DCC: variants seen among roughly 807,000 people sequenced by gnomAD.
DCC encodes DCC netrin 1 receptor, also known as netrin receptor DCC.
Under a neutral mutation model 172.5 loss-of-function variants are expected in DCC, and 58 were observed. That is an observed-to-expected ratio of 0.34 (90% CI 0.27 to 0.42). DCC has a LOEUF of 0.42. Among genes scored for constraint, DCC ranks in the 10% least tolerant of loss-of-function variants. DCC has a pLI of 1.00. For missense variants in DCC, 1,740 were observed against 1,791.0 expected (o/e 0.97, Z 0.51); for synonymous variants, 709 against 644.5 (o/e 1.10, Z -1.52).
chr18:53,179,253 C>A, intron 9 of DCC, 137 bp downstream of exon 9: 3 of 846,260 alleles, frequency 3.5e-6, no homozygotes, highest in South Asian at 3.0e-5. Flanking sequence ...ACTTATATAA[C>A]TCGAGGACTT....
chr18:52,974,191 T>C (rs2041075128), intron 5 of DCC, among the ~76,000 whole-genome samples: 1 of 152,146 alleles, frequency 6.6e-6, no homozygotes, highest in Admixed American at 6.6e-5. Context: ...CAGATACAAA[T>C]TTTCCTGCAG....
At chr18:53,205,486 A>G (rs939532765) in intron 10 of DCC, 122 bp downstream of exon 10, 40 of 924,248 alleles carry the variant, frequency 4.3e-5, no homozygotes, top group Middle Eastern at 2.3e-4. Flanking sequence ...GTGTTAACAC[A>G]TTCATTGAAA....
At chr18:52,382,471 A>G (rs1050264585) in intron 1 of DCC, among the ~76,000 whole-genome samples, 2 of 152,186 alleles carry the variant, frequency 1.3e-5, no homozygotes, top group East Asian at 3.9e-4. Flanking sequence ...TCCATTTTAT[A>G]GAGAACATTT....
At chr18:52,825,584 T>C (rs2038495962) in intron 2 of DCC, among the ~76,000 whole-genome samples, 1 of 152,168 alleles carries the variant, frequency 6.6e-6, no homozygotes, top group African/African-American at 2.4e-5. Flanking sequence ...ATGCAAAAAG[T>C]ACAACACTCC....
chr18:52,697,677 C>T (rs952633156), intron 1 of DCC, among the ~76,000 whole-genome samples: 1 of 151,730 alleles, frequency 6.6e-6, no homozygotes. Flanking sequence ...ATTTTTAATT[C>T]GTTTGCAAAT....
At chr18:52,907,153 ACATATATCATATATAT>A (rs1365439391) in intron 3 of DCC, among the ~76,000 whole-genome samples, 4 of 150,566 alleles carry the variant, frequency 2.7e-5, no homozygotes, top group African/African-American at 9.7e-5. Flanking sequence ...AATATATCAT[ACATATATCATATATAT>A]CATATATACA....
chr18:53,273,218 C>T (rs1229781317), intron 12 of DCC, among the ~76,000 whole-genome samples: 1 of 152,016 alleles, frequency 6.6e-6, no homozygotes, highest in Admixed American at 6.6e-5. Flanking sequence ...GAAGTATGTG[C>T]TCTTATGAAT....
chr18:52,468,754 A>G lies in DCC; in HGVS notation c.91+127876A>G, dbSNP rs892552059. On this transcript the variant is annotated intron_variant, in intron 1 of 28. Coordinates refer to ENST00000442544, the MANE Select transcript of DCC (RefSeq NM_005215.4). ...TCCTTCCAGATTGTCTGATTTTCAC[A>G]TGATTGCTGTCTACACATCTATTTC... Among the ~76,000 whole-genome samples, 17 of 152,294 alleles carry G rather than the reference A, an allele frequency of 1.1e-4. No individual in the cohort carries two copies. The East Asian group carries it at 2.9e-3, about 26-fold the overall frequency.
rs1358799936 is a variant in DCC, at chr18:52,877,936, G to C, written c.413-28108G>C. 2.0e-5 allele frequency among the ~76,000 whole-genome samples: 3 copies of C among 152,134 alleles called. No individual in the cohort carries two copies. The East Asian group carries it at 5.8e-4, about 29-fold the overall frequency. ...AGCTATATTAATGATAATGTAAAGA[G>C]TATACTGTTTCCTGAGTATTTTGTT... is the stretch of plus-strand genomic sequence containing the variant. On this transcript the variant is annotated intron_variant, in intron 2 of 28. Transcript: ENST00000442544.
At chr18:52,340,910 C>A in intron 1 of DCC, 32 bp downstream of exon 1, 1 of 1,497,932 alleles carries the variant, frequency 6.7e-7, no homozygotes, top group Non-Finnish European at 9.3e-7. Context: ...TCTCGTCGCA[C>A]CCCCTTCCGT....
chr18:53,069,201 C>A (rs146027380), intron 7 of DCC, among the ~76,000 whole-genome samples: 29 of 152,220 alleles, frequency 1.9e-4, no homozygotes, highest in Middle Eastern at 3.4e-3. Flanking sequence ...ATCTTAGAGG[C>A]CTTCCCAGAA....
chr18:53,076,035 A>C (rs1414080025), intron 7 of DCC, among the ~76,000 whole-genome samples: 2 of 152,172 alleles, frequency 1.3e-5, no homozygotes, highest in Non-Finnish European at 2.9e-5. Flanking sequence ...GAGTATCAAC[A>C]GATACTCCAG....
intron 1 of DCC, among the ~76,000 whole-genome samples, chr18:52,538,183 T>C (rs1025085511): frequency 1.3e-5 from 2 of 152,204 alleles, no homozygotes; most frequent in Admixed American, 1.3e-4. Flanking sequence ...TAGTCTTGCC[T>C]GCTTACCTCC....
chr18:52,490,842 G>T (rs767505630), intron 1 of DCC, among the ~76,000 whole-genome samples: 5 of 152,082 alleles, frequency 3.3e-5, no homozygotes, highest in Non-Finnish European at 7.4e-5. Flanking sequence ...CAATGCTAAA[G>T]CTTACCTATG....
At chr18:52,625,787 G>A (rs1280251078) in intron 1 of DCC, among the ~76,000 whole-genome samples, 1 of 151,976 alleles carries the variant, frequency 6.6e-6, no homozygotes, top group African/African-American at 2.4e-5. Context: ...TCACTTCATC[G>A]CCAATGACTT....
intron 1 of DCC, among the ~76,000 whole-genome samples, chr18:52,413,641 T>G (rs1220024238): frequency 6.6e-6 from 1 of 152,130 alleles, no homozygotes; most frequent in Non-Finnish European, 1.5e-5. Context: ...ATTTTTATTA[T>G]GTATTCTAAG....
At chr18:52,599,972 T>C (rs2144814667) in intron 1 of DCC, among the ~76,000 whole-genome samples, 1 of 152,312 alleles carries the variant, frequency 6.6e-6, no homozygotes. Context: ...CCCCTTTCTA[T>C]GGTTCCTAAA....
chr18:53,501,908 T>C (rs2046105191), intron 27 of DCC, among the ~76,000 whole-genome samples: 1 of 150,214 alleles, frequency 6.7e-6, no homozygotes, highest in Non-Finnish European at 1.5e-5. Flanking sequence ...ATTACATTAA[T>C]GCCAAAGCTG....
At position 53,350,252 on chromosome 18, in the gene DCC, G is replaced by T. The variant is rs538553616; in HGVS notation, c.2359+10345G>T. 7.2e-5 allele frequency among the ~76,000 whole-genome samples: 11 copies of T among 152,218 alleles called. No homozygotes were observed. The South Asian group carries it at 2.3e-3, about 32-fold the overall frequency. ...GAACTCGTTCACCGCCATTGATGTG[G>T]ATTAACAAAGATGTATCGGGAATTA... On this transcript the variant is annotated intron_variant, in intron 15 of 28. Transcript: ENST00000442544.
Sources: allele counts gnomAD v4.1 joint callset (sites outside exome capture counted in the v4.1 genomes callset), GRCh38; gene constraint gnomAD v4.1.1; transcripts MANE v1.5; gene names NCBI Gene and HGNC (gene_info 2026-07-23, HGNC 2026-07-21).